Variants in NOL4 observed in about 807,000 individuals in gnomAD.
NOL4 encodes nucleolar protein 4.
A neutral mutation model predicts 75.9 loss-of-function variants in NOL4; 17 were observed. The observed-to-expected ratio is 0.22, with a 90% CI of 0.15 to 0.34. The LOEUF is 0.34. NOL4 is among the 10% of genes least tolerant of loss of function. NOL4 has a pLI of 1.00. For missense variants in NOL4, 614 were observed against 793.5 expected (o/e 0.77, Z 2.72); for synonymous variants, 292 against 289.9 (o/e 1.01, Z -0.07).
intron 9 of NOL4, among the ~76,000 whole-genome samples, chr18:33,908,966 T>A (rs1033107901): frequency 5.3e-5 from 8 of 152,154 alleles, no homozygotes; most frequent in Admixed American, 3.3e-4. Context: ...TGACTATGGG[T>A]GTAGCGCATA....
At chr18:33,972,865 A>T (rs73414389) in intron 6 of NOL4, among the ~76,000 whole-genome samples, 5,424 of 152,278 alleles carry the variant, frequency 0.036, 173 homozygotes, top group East Asian at 0.12. Context: ...GTAAGTCATA[A>T]TCTTTTTGCT....
intron 2 of NOL4, among the ~76,000 whole-genome samples, chr18:34,121,468 A>G (rs1204467456): frequency 1.3e-5 from 2 of 152,186 alleles, no homozygotes; most frequent in Admixed American, 6.5e-5. Flanking sequence ...CTTTTTGAAC[A>G]CATATCCAAG....
At position 34,089,056 on chromosome 18, in the gene NOL4, T is replaced by A. The variant is rs575117367; in HGVS notation, c.772+4409A>T. Reference sequence around the variant, plus strand: ...TTCCAACACAACGCACATTTGATAGTCTTCTTTTCCCTTGGTTTTTAATGA... The same window carrying A: ...TTCCAACACAACGCACATTTGATAGACTTCTTTTCCCTTGGTTTTTAATGA... On this transcript the variant is annotated intron_variant, in intron 5 of 10. Transcript: ENST00000261592. Among the ~76,000 whole-genome samples the A allele has an allele frequency of 4.0e-4, 61 of 152,224 alleles. No homozygotes were observed. In the South Asian group the frequency reaches 0.012, roughly 31 times the overall value.
intron 1 of NOL4, among the ~76,000 whole-genome samples, chr18:34,214,311 T>TTTATAA (rs2036724973): frequency 6.6e-6 from 1 of 152,094 alleles, no homozygotes; most frequent in African/African-American, 2.4e-5. Context: ...CTTTTAAATA[T>TTTATAA]AGTTTATAAT....
At chr18:34,179,007 A>G (rs903063391) in intron 1 of NOL4, among the ~76,000 whole-genome samples, 4 of 151,696 alleles carry the variant, frequency 2.6e-5, no homozygotes, top group African/African-American at 9.7e-5. Flanking sequence ...TATGACCACA[A>G]TATAATGAAA....
intron 9 of NOL4, among the ~76,000 whole-genome samples, chr18:33,907,842 CTA>C (rs529763940): frequency 4.6e-5 from 7 of 152,120 alleles, no homozygotes; most frequent in African/African-American, 1.7e-4. Context: ...TTTATTTTGT[CTA>C]TATATAATAA....
chr18:34,094,826 A>G lies in NOL4; in HGVS notation c.640-1229T>C, dbSNP rs2078696609. Among the ~76,000 whole-genome samples the G allele has an allele frequency of 2.0e-5, 3 of 152,216 alleles. No homozygotes were observed. In the South Asian group the frequency reaches 6.2e-4, roughly 31 times the overall value. On this transcript the variant is annotated intron_variant, in intron 4 of 10. Coordinates refer to ENST00000261592, the MANE Select transcript of NOL4 (RefSeq NM_003787.5). ...AAATTTGCAAACAATTTATAGATGA[A>G]GAAATTGAGGCACAGAGAAGTTAAA...
chr18:34,195,161 G>GT (rs1409815634), intron 1 of NOL4, among the ~76,000 whole-genome samples: 1 of 151,974 alleles, frequency 6.6e-6, no homozygotes, highest in African/African-American at 2.4e-5. Flanking sequence ...TTAATGAAAA[G>GT]TTTACAGTAA....
At chr18:34,221,978 G>C in intron 1 of NOL4, 1 of 1,485,512 alleles carries the variant, frequency 6.7e-7, no homozygotes, top group Non-Finnish European at 9.1e-7. Context: ...TACAAAGGAT[G>C]CCAGATAGCC....
chr18:33,852,782 C>A lies in NOL4; in HGVS notation c.*60G>T, dbSNP rs1050827054. 2.4e-4 allele frequency: 346 copies of A among 1,441,336 alleles called. No individual in the cohort carries two copies. The highest frequency in any genetic ancestry group is 1.0e-3 in the Middle Eastern group (5 of 4,854). The allele number at this position is 1,441,336 out of a possible 1,614,324, so 89.3% of individuals were successfully genotyped here. On this transcript the variant is annotated 3_prime_UTR_variant, in exon 11 of 11. Coordinates refer to ENST00000261592, the MANE Select transcript of NOL4 (RefSeq NM_003787.5). ...ACCAGAAGTATCTCTGTTGGGAAAT[C>A]AAAATGTCATTAGTGGAAACTGCAA... is the stretch of plus-strand genomic sequence containing the variant.
intron 1 of NOL4, among the ~76,000 whole-genome samples, chr18:34,153,803 T>C (rs755321859): frequency 7.9e-5 from 12 of 152,038 alleles, no homozygotes; most frequent in Non-Finnish European, 1.8e-4. Context: ...AACAGTCCAG[T>C]GATCCACAGC....
chr18:34,106,496 T>C (rs911577926), intron 2 of NOL4, among the ~76,000 whole-genome samples: 2 of 152,030 alleles, frequency 1.3e-5, no homozygotes, highest in Non-Finnish European at 2.9e-5. Flanking sequence ...TTCAACACTC[T>C]TAGGGGTTGA....
At chr18:34,108,890 C>T (rs1363108450) in intron 2 of NOL4, among the ~76,000 whole-genome samples, 1 of 152,090 alleles carries the variant, frequency 6.6e-6, no homozygotes, top group Non-Finnish European at 1.5e-5. Context: ...CAGCAGAATA[C>T]ACATACTACT....
chr18:33,863,278 G>A (rs1286586926), intron 10 of NOL4, among the ~76,000 whole-genome samples: 1 of 152,102 alleles, frequency 6.6e-6, no homozygotes, highest in Non-Finnish European at 1.5e-5. Context: ...TTGTGGGGTA[G>A]GGGAAGGGGG....
intron 5 of NOL4, among the ~76,000 whole-genome samples, chr18:34,067,465 T>C (rs2077329501): frequency 6.6e-6 from 1 of 152,062 alleles, no homozygotes; most frequent in Non-Finnish European, 1.5e-5. Context: ...TACTGTAGGA[T>C]AGGAAAAAAT....
At chr18:34,116,045 A>G (rs929532673) in intron 2 of NOL4, among the ~76,000 whole-genome samples, 1 of 152,190 alleles carries the variant, frequency 6.6e-6, no homozygotes, top group Non-Finnish European at 1.5e-5. Context: ...TAAAACAGAA[A>G]ATAATAGATT....
intron 5 of NOL4, among the ~76,000 whole-genome samples, chr18:34,030,376 A>T (rs558740438): frequency 6.6e-6 from 1 of 152,310 alleles, no homozygotes; most frequent in South Asian, 2.1e-4. Flanking sequence ...TCATGCATAT[A>T]GTGGGACAAA....
At chr18:34,000,789 C>T (rs1208899220) in intron 6 of NOL4, among the ~76,000 whole-genome samples, 2 of 152,052 alleles carry the variant, frequency 1.3e-5, no homozygotes, top group Admixed American at 1.3e-4. Context: ...TCTAAAATAC[C>T]TCAGTGCCTG....
At chr18:33,971,508 G>T (rs1396331849) in intron 6 of NOL4, among the ~76,000 whole-genome samples, 1 of 152,122 alleles carries the variant, frequency 6.6e-6, no homozygotes, top group Non-Finnish European at 1.5e-5. Flanking sequence ...AAATTTTGAG[G>T]TGATGTATTT....
Sources: allele counts gnomAD v4.1 joint callset (sites outside exome capture counted in the v4.1 genomes callset), GRCh38; gene constraint gnomAD v4.1.1; transcripts MANE v1.5; gene names NCBI Gene and HGNC (gene_info 2026-07-23, HGNC 2026-07-21).